The following KCNMB2 variants were observed in gnomAD, a reference collection of about 807,000 sequenced individuals.
KCNMB2 encodes potassium calcium-activated channel subfamily M regulatory beta subunit 2.
Under a neutral mutation model 24.5 loss-of-function variants are expected in KCNMB2, and 9 were observed. The observed-to-expected ratio is 0.37, with a 90% CI of 0.22 to 0.64. The LOEUF (loss-of-function observed/expected upper bound fraction) is 0.64, where lower values mean the gene tolerates loss of function less well. Among genes scored for constraint, KCNMB2 ranks in the 30% least tolerant of loss-of-function variants. The probability of loss-of-function intolerance (pLI) is 0.63; values close to 1 mark genes in which losing one functional copy is unlikely to be tolerated. For missense variants in KCNMB2, 226 were observed against 284.3 expected, an observed-to-expected ratio of 0.79 and a Z score of 1.47; for synonymous variants, 109 against 104.4, an observed-to-expected ratio of 1.04 and a Z score of -0.27.
At chr3:178,693,705 CT>C (rs1721765388) in intron 1 of KCNMB2, among the ~76,000 whole-genome samples, 1 of 151,708 alleles carries the variant, frequency 6.6e-6, no homozygotes, top group East Asian at 1.9e-4. Flanking sequence ...TGGCCTGAAG[CT>C]TTTTTTTCTG....
intron 1 of KCNMB2, among the ~76,000 whole-genome samples, chr3:178,691,234 C>T (rs982925894): frequency 6.7e-6 from 1 of 149,244 alleles, no homozygotes; most frequent in African/African-American, 2.5e-5. Flanking sequence ...AGGTGTGAGC[C>T]ACACCTGGCT....
chr3:178,733,462 T>C (rs577739437), intron 1 of KCNMB2, among the ~76,000 whole-genome samples: 3 of 152,160 alleles, frequency 2.0e-5, no homozygotes, highest in East Asian at 3.9e-4. Context: ...TATAATCTGA[T>C]TTAAATTTAT....
intron 1 of KCNMB2, among the ~76,000 whole-genome samples, chr3:178,772,437 A>C (rs1712411536): frequency 6.6e-6 from 1 of 152,210 alleles, no homozygotes; most frequent in African/African-American, 2.4e-5. Flanking sequence ...ACAGTGAATA[A>C]GTCTCACAAG....
At chr3:178,699,544 G>A (rs1216101463) in intron 1 of KCNMB2, among the ~76,000 whole-genome samples, 1 of 152,224 alleles carries the variant, frequency 6.6e-6, no homozygotes, top group African/African-American at 2.4e-5. Context: ...CAGTACAGAA[G>A]CTATGGTGTG....
At chr3:178,732,022 T>C (rs1332513216) in intron 1 of KCNMB2, among the ~76,000 whole-genome samples, 1 of 151,992 alleles carries the variant, frequency 6.6e-6, no homozygotes, top group Non-Finnish European at 1.5e-5. Context: ...ATCCAGACCG[T>C]GGGAAACAAT....
intron 1 of KCNMB2, among the ~76,000 whole-genome samples, chr3:178,734,632 C>T (rs1323216020): frequency 6.6e-6 from 1 of 152,148 alleles, no homozygotes; most frequent in Non-Finnish European, 1.5e-5. Context: ...AAACCACTTG[C>T]CTGTGTTCAA....
chr3:178,575,968 C>T (rs1049726248), intron 1 of KCNMB2, among the ~76,000 whole-genome samples: 3 of 151,986 alleles, frequency 2.0e-5, no homozygotes, highest in Non-Finnish European at 4.4e-5. Flanking sequence ...AGAAGTTTGT[C>T]CCAGTTTTAG....
At chr3:178,553,021 C>G (rs1716009222) in intron 1 of KCNMB2, among the ~76,000 whole-genome samples, 1 of 152,174 alleles carries the variant, frequency 6.6e-6, no homozygotes, top group African/African-American at 2.4e-5. Context: ...ATGTTGTTAT[C>G]TTAGCTGGAT....
At chr3:178,540,969 T>C (rs1210346802) in intron 1 of KCNMB2, among the ~76,000 whole-genome samples, 3 of 152,212 alleles carry the variant, frequency 2.0e-5, no homozygotes, top group African/African-American at 7.2e-5. Flanking sequence ...TGAGCAATTG[T>C]CAAACGAATG....
At chr3:178,614,648 ATC>A (rs1263078027) in intron 1 of KCNMB2, among the ~76,000 whole-genome samples, 1 of 152,062 alleles carries the variant, frequency 6.6e-6, no homozygotes, top group African/African-American at 2.4e-5. Context: ...GCCAAACCAT[ATC>A]ACTTACAAAA....
intron 1 of KCNMB2, among the ~76,000 whole-genome samples, chr3:178,649,202 G>C (rs2108557106): frequency 6.6e-6 from 1 of 151,960 alleles, no homozygotes; most frequent in East Asian, 1.9e-4. Context: ...TATAATTTTT[G>C]TTTGGATGTA....
At chr3:178,716,898 T>C (rs1722636117) in intron 1 of KCNMB2, among the ~76,000 whole-genome samples, 2 of 152,148 alleles carry the variant, frequency 1.3e-5, no homozygotes, top group South Asian at 4.1e-4. Context: ...CACCCCTTCT[T>C]TCTCCAGGAT....
chr3:178,667,314 C>A (rs1210650418), intron 1 of KCNMB2, among the ~76,000 whole-genome samples: 1 of 152,020 alleles, frequency 6.6e-6, no homozygotes. Flanking sequence ...ATAGTCAAGG[C>A]CTAGGAAGTC....
chr3:178,571,226 C>A (rs1716768079), intron 1 of KCNMB2, among the ~76,000 whole-genome samples: 1 of 150,720 alleles, frequency 6.6e-6, no homozygotes, highest in Admixed American at 6.6e-5. Context: ...TTTTTTTAAT[C>A]AAGCTTCACG....
chr3:178,829,783 G>A (rs1055975372), intron 4 of KCNMB2, among the ~76,000 whole-genome samples: 7 of 152,098 alleles, frequency 4.6e-5, no homozygotes, highest in Non-Finnish European at 7.4e-5. Context: ...GGCTATAAAC[G>A]GAGAGGGAAG....
At chr3:178,675,142 A>G (rs1158663924) in intron 1 of KCNMB2, among the ~76,000 whole-genome samples, 1 of 152,224 alleles carries the variant, frequency 6.6e-6, no homozygotes, top group African/African-American at 2.4e-5. Flanking sequence ...GAAAGATAAT[A>G]TAGTTTTAAA....
intron 1 of KCNMB2, among the ~76,000 whole-genome samples, chr3:178,746,650 C>A (rs1021352179): frequency 1.3e-5 from 2 of 152,170 alleles, no homozygotes; most frequent in Admixed American, 6.5e-5. Context: ...AAACTGAATG[C>A]CTTTAACAGC....
intron 1 of KCNMB2, among the ~76,000 whole-genome samples, chr3:178,726,619 C>T (rs756304868): frequency 1.3e-5 from 2 of 151,698 alleles, no homozygotes; most frequent in Non-Finnish European, 2.9e-5. Flanking sequence ...TACACTGCAT[C>T]TAAAGAACAC....
At chr3:178,665,140 T>G (rs1311205631) in intron 1 of KCNMB2, among the ~76,000 whole-genome samples, 2 of 152,128 alleles carry the variant, frequency 1.3e-5, no homozygotes, top group African/African-American at 4.8e-5. Context: ...GAGGAATCTT[T>G]TCATGTGATT....
Sources: allele counts gnomAD v4.1 joint callset (sites outside exome capture counted in the v4.1 genomes callset), GRCh38; gene constraint gnomAD v4.1.1; transcripts MANE v1.5; gene names NCBI Gene and HGNC (gene_info 2026-07-23, HGNC 2026-07-21).